ST6GALNAC5: variants seen among roughly 807,000 people sequenced by gnomAD.
ST6GALNAC5 encodes ST6 N-acetylgalactosaminide alpha-2,6-sialyltransferase 5.
Under a neutral mutation model 33.6 loss-of-function variants are expected in ST6GALNAC5, and 27 were observed. The observed-to-expected ratio is 0.80, with a 90% confidence interval of 0.59 to 1.11. The LOEUF is 1.11. ST6GALNAC5 is among the 50% of genes least tolerant of loss of function. The pLI is 0.00. For synonymous variants in ST6GALNAC5, 194 were observed against 171.2 expected (o/e 1.13, Z -1.04); for missense variants, 428 against 454.0 (o/e 0.94, Z 0.52).
chr1:76,917,497 A>G (rs1236273285), intron 2 of ST6GALNAC5, among the ~76,000 whole-genome samples: 1 of 152,070 alleles, frequency 6.6e-6, no homozygotes, highest in African/African-American at 2.4e-5. Context: ...ACTTACACAC[A>G]ATATTCCAGT....
chr1:77,028,835 G>C (rs1337342560), intron 2 of ST6GALNAC5, among the ~76,000 whole-genome samples: 1 of 152,198 alleles, frequency 6.6e-6, no homozygotes, highest in Admixed American at 6.5e-5. Flanking sequence ...GTAAGTGATG[G>C]GATTTGAACC....
At chr1:77,034,824 TA>T (rs1221100633) in intron 2 of ST6GALNAC5, among the ~76,000 whole-genome samples, 1 of 152,198 alleles carries the variant, frequency 6.6e-6, no homozygotes, top group Non-Finnish European at 1.5e-5. Flanking sequence ...AGTGTACTAT[TA>T]TTTAAGGATT....
At chr1:77,004,320 C>T (rs1650298880) in intron 2 of ST6GALNAC5, among the ~76,000 whole-genome samples, 3 of 148,574 alleles carry the variant, frequency 2.0e-5, no homozygotes, top group Admixed American at 2.0e-4. Context: ...ACGTAGTTCT[C>T]GAGCCTTGGT....
intron 2 of ST6GALNAC5, among the ~76,000 whole-genome samples, chr1:77,018,095 C>T (rs924915867): frequency 1.3e-5 from 2 of 152,152 alleles, no homozygotes; most frequent in African/African-American, 4.8e-5. Context: ...TGATGGAGTT[C>T]TCTTCCATTA....
At chr1:76,915,705 A>AG (rs1276102870) in intron 2 of ST6GALNAC5, among the ~76,000 whole-genome samples, 1 of 118,624 alleles carries the variant, frequency 8.4e-6, no homozygotes, top group Non-Finnish European at 1.7e-5. Context: ...GGGTGAGGGG[A>AG]GGGGGGAGGG....
intron 2 of ST6GALNAC5, among the ~76,000 whole-genome samples, chr1:76,941,456 T>C (rs1557730963): frequency 6.6e-6 from 1 of 152,084 alleles, no homozygotes; most frequent in Non-Finnish European, 1.5e-5. Flanking sequence ...CTTGCTACAG[T>C]GGGTGGCTCC....
At chr1:76,886,395 C>T (rs1653895764) in intron 2 of ST6GALNAC5, among the ~76,000 whole-genome samples, 1 of 152,010 alleles carries the variant, frequency 6.6e-6, no homozygotes, top group Non-Finnish European at 1.5e-5. Flanking sequence ...TTGGTGTAAT[C>T]TCAGAACTCC....
intron 2 of ST6GALNAC5, among the ~76,000 whole-genome samples, chr1:76,953,239 G>A (rs763170781): frequency 9.2e-5 from 14 of 152,150 alleles, no homozygotes; most frequent in East Asian, 3.9e-4. Context: ...TATGATTGGC[G>A]CAAGAAACTT....
chr1:77,040,475 G>C (rs1263801436), intron 2 of ST6GALNAC5, among the ~76,000 whole-genome samples: 1 of 152,220 alleles, frequency 6.6e-6, no homozygotes, highest in African/African-American at 2.4e-5. Context: ...GCATGTTCTA[G>C]TGGTGCCCAC....
chr1:77,000,810 G>A lies in ST6GALNAC5; in HGVS notation c.262-43394G>A, dbSNP rs898136309. Among the ~76,000 whole-genome samples, 28 of 152,040 alleles carry A rather than the reference G, an allele frequency of 1.8e-4. No individual in the cohort carries two copies. In the South Asian group the frequency reaches 5.0e-3, roughly 27 times the overall value. ...AAAGATCAGATAGTTGTAGATATGC[G>A]GCGTTATTTCTGAGGGCTCCGTTTT... is the stretch of plus-strand genomic sequence containing the variant. On this transcript the variant is annotated intron_variant, in intron 2 of 4. Transcript: ENST00000477717.
Position 76,911,798 on chromosome 1 carries a change from A to G in ST6GALNAC5, c.261+43056A>G, listed in dbSNP as rs191155541. Among the ~76,000 whole-genome samples, 23 of 152,154 alleles carry G rather than the reference A, an allele frequency of 1.5e-4. No homozygotes were observed. The East Asian group carries it at 1.5e-3, about 10-fold the overall frequency. ...TGGGATCGGTGGTTTGATTGCGTCT[A>G]TTTGATTCTTCTCTCTTTTTTTCTT... On this transcript the variant is annotated intron_variant, in intron 2 of 4. Coordinates refer to ENST00000477717, the MANE Select transcript of ST6GALNAC5 (RefSeq NM_030965.3).
At chr1:77,037,525 A>G (rs1350339772) in intron 2 of ST6GALNAC5, among the ~76,000 whole-genome samples, 1 of 152,198 alleles carries the variant, frequency 6.6e-6, no homozygotes, top group Non-Finnish European at 1.5e-5. Flanking sequence ...ACAAATCTGC[A>G]TGTGTACCCC....
Position 77,051,805 on chromosome 1 carries a change from T to C in ST6GALNAC5, c.779+1440T>C, listed in dbSNP as rs576839810. Among the ~76,000 whole-genome samples, 24 of 152,266 alleles carry C rather than the reference T, an allele frequency of 1.6e-4. No individual in the cohort carries two copies. In the East Asian group the frequency reaches 4.1e-3, roughly 26 times the overall value. ...ACAGAGACAGTGAGAATGGCACTTATGGGCATGCAAAGAGCCATCAACGTT... is the reference window on the plus strand; with the variant it reads ...ACAGAGACAGTGAGAATGGCACTTACGGGCATGCAAAGAGCCATCAACGTT... On this transcript the variant is annotated intron_variant, in intron 4 of 4. Transcript: ENST00000477717.
rs138229968 is a variant in ST6GALNAC5 at position 77,039,080 on chromosome 1, G to A, written c.262-5124G>A. Reference sequence around the variant, plus strand: ...GATCTGAGTGTGCATTCACATGTGTGTGTGTATCTGCACACTCCCTCTAGA... The same window carrying A: ...GATCTGAGTGTGCATTCACATGTGTATGTGTATCTGCACACTCCCTCTAGA... On this transcript the variant is annotated intron_variant, in intron 2 of 4. Coordinates refer to ENST00000477717, the MANE Select transcript of ST6GALNAC5 (RefSeq NM_030965.3). 7.2e-4 allele frequency among the ~76,000 whole-genome samples: 109 copies of A among 152,322 alleles called. 1 individual carries two copies. Among genetic ancestry groups the A allele is most frequent in the African/African-American group, 2.6e-3 (108 of 41,572 alleles).
intron 3 of ST6GALNAC5, among the ~76,000 whole-genome samples, chr1:77,048,946 A>AC (rs935381715): frequency 4.0e-5 from 5 of 126,124 alleles, no homozygotes; most frequent in African/African-American, 1.7e-4. Context: ...GATTCAGCCC[A>AC]CTTATTCCCA....
At chr1:77,012,177 T>C (rs1272988829) in intron 2 of ST6GALNAC5, among the ~76,000 whole-genome samples, 1 of 152,204 alleles carries the variant, frequency 6.6e-6, no homozygotes, top group African/African-American at 2.4e-5. Flanking sequence ...ATAAGAAGTC[T>C]GTGGGAAGGG....
chr1:76,958,160 A>G (rs978994855), intron 2 of ST6GALNAC5, among the ~76,000 whole-genome samples: 2 of 152,210 alleles, frequency 1.3e-5, no homozygotes, highest in Non-Finnish European at 2.9e-5. Flanking sequence ...CACATGTGAC[A>G]GCTTTGCTGG....
At chr1:76,997,179 A>T (rs972651914) in intron 2 of ST6GALNAC5, among the ~76,000 whole-genome samples, 1 of 152,224 alleles carries the variant, frequency 6.6e-6, no homozygotes, top group African/African-American at 2.4e-5. Flanking sequence ...AGAGAAAAAT[A>T]AACCTGTTGA....
At chr1:76,975,860 T>C (rs1251911193) in intron 2 of ST6GALNAC5, among the ~76,000 whole-genome samples, 3 of 152,152 alleles carry the variant, frequency 2.0e-5, no homozygotes, top group African/African-American at 7.2e-5. Context: ...TTTGGGAGGC[T>C]GAGATGGGCA....
Sources: allele counts gnomAD v4.1 joint callset (sites outside exome capture counted in the v4.1 genomes callset), GRCh38; gene constraint gnomAD v4.1.1; transcripts MANE v1.5; gene names NCBI Gene and HGNC (gene_info 2026-07-23, HGNC 2026-07-21).